CCDC14: variants seen among roughly 807,000 people sequenced by gnomAD.
CCDC14 encodes the protein coiled-coil domain-containing protein 14.
CCDC14 carries 71 observed loss-of-function variants against 81.4 expected under a neutral mutation model. The ratio of observed to expected loss-of-function variants is 0.87; its 90% CI spans 0.72 to 1.06. The LOEUF is 1.06. CCDC14 is among the 50% of genes least tolerant of loss of function. The probability of loss-of-function intolerance (pLI) is 0.00; values close to 1 mark genes in which losing one functional copy is unlikely to be tolerated. For synonymous variants in CCDC14, 332 were observed against 364.8 expected (o/e 0.91, Z 1.03); for missense variants, 1,046 against 1,047.3 (o/e 1.00, Z 0.02).
Position 123,931,473 on chromosome 3 carries a change from G to T in CCDC14, c.1480C>A (p.Leu494Ile), listed in dbSNP as rs1456212214. The T allele has an allele frequency of 6.3e-7, 1 of 1,576,736 alleles. No homozygotes were observed. Among genetic ancestry groups the T allele is most frequent in the African/African-American group, 1.3e-5 (1 of 74,076 alleles). ...MSLQNQLEES[L>I]KSQELLQSKN... ...CTCTGCAGTAATTCCTGGCTCTTTAGTGACTCCTCCAATTGATTTTGCAGT... is the reference window on the plus strand; with the variant it reads ...CTCTGCAGTAATTCCTGGCTCTTTATTGACTCCTCCAATTGATTTTGCAGT... Residue 494 changes from leucine to isoleucine, a missense_variant, in exon 11 of 13, where the codon CTA becomes ATA. Leu to Ile is a conservative substitution (Grantham distance 5). Transcript: ENST00000409697.
At chr3:123,910,187 C>A (rs1042413580), downstream of CCDC14, among the ~76,000 whole-genome samples, 4 of 152,228 alleles carry the variant, frequency 2.6e-5, no homozygotes, top group Non-Finnish European at 5.9e-5. Context: ...TGGTGCCACT[C>A]AACACCAAGA....
At chr3:123,906,317 G>A (rs907309729) in intron 5 of CCDC14, among the ~76,000 whole-genome samples, 3 of 151,030 alleles carry the variant, frequency 2.0e-5, no homozygotes, top group South Asian at 2.1e-4. Context: ...GCGACAGAGC[G>A]AGACTCCATC....
At chr3:123,938,856 A>G (rs1012513046) in intron 9 of CCDC14, among the ~76,000 whole-genome samples, 1 of 151,994 alleles carries the variant, frequency 6.6e-6, no homozygotes, top group African/African-American at 2.4e-5. Context: ...CTTTACTTCA[A>G]GAAATATTAT....
chr3:123,913,671 TA>T lies in CCDC14; in HGVS notation c.*1107del, dbSNP rs538122071. 0.15 allele frequency: 117,962 copies of T among 766,322 alleles called. 86 individuals carry two copies. The highest frequency in any genetic ancestry group is 0.16 in the Non-Finnish European group (105,987 of 643,020). The allele number at this position is 766,322 out of a possible 1,614,324, so 47.5% of individuals were successfully genotyped here. Reference sequence around the variant, plus strand: ...CTTCAAACGCTGTAGCACTAACACCTAAAAAAAAAAAAAAAACCACCAAAAA... The same window carrying T: ...CTTCAAACGCTGTAGCACTAACACCTAAAAAAAAAAAAAAACCACCAAAAA... On this transcript the variant is annotated 3_prime_UTR_variant, in exon 13 of 13. Coordinates refer to ENST00000409697, the MANE Select transcript of CCDC14 (RefSeq NM_001366335.1).
intron 5 of CCDC14, among the ~76,000 whole-genome samples, chr3:123,898,802 C>T (rs1429507617): frequency 6.6e-6 from 1 of 152,116 alleles, no homozygotes; most frequent in Non-Finnish European, 1.5e-5. Flanking sequence ...ATTCTCATGC[C>T]TCGGCCTCCT....
At chr3:123,920,288 G>A (rs1177866530) in intron 12 of CCDC14, among the ~76,000 whole-genome samples, 1 of 152,192 alleles carries the variant, frequency 6.6e-6, no homozygotes, top group Admixed American at 6.5e-5. Flanking sequence ...AGAAACAGGA[G>A]TGCCTGAAGG....
At chr3:123,920,215 A>T (rs768729074) in intron 12 of CCDC14, among the ~76,000 whole-genome samples, 22 of 152,266 alleles carry the variant, frequency 1.4e-4, no homozygotes, top group Non-Finnish European at 2.8e-4. Flanking sequence ...CAGTCAGAAG[A>T]GGAAATAAAT....
At chr3:123,939,299 A>T (rs73184283) in intron 9 of CCDC14, among the ~76,000 whole-genome samples, 59 of 151,820 alleles carry the variant, frequency 3.9e-4, no homozygotes, top group South Asian at 8.3e-4. Flanking sequence ...CTTCATACAT[A>T]ATTTTCTATT....
rs938441711 is a variant in CCDC14, at chr3:123,956,281, C to T, written c.159+74G>A. 2.3e-5 allele frequency: 30 copies of T among 1,280,898 alleles called. No homozygotes were observed. The Admixed American group carries it at 3.3e-4, about 14-fold the overall frequency. 79.3% of individuals were successfully genotyped at this position (1,280,898 alleles called of 1,614,324 possible). ...CTTCCTTAGAGCAATTAATACTTTG[C>T]ATTTTATTCCTACTTTTTAGCTACT... On this transcript the variant is annotated intron_variant, in intron 3 of 12. Coordinates refer to ENST00000409697, the MANE Select transcript of CCDC14 (RefSeq NM_001366335.1).
chr3:123,956,101 G>T lies in CCDC14; in HGVS notation c.174C>A (p.His58Gln), dbSNP rs759838393. The T allele has an allele frequency of 1.3e-6, 2 of 1,546,628 alleles. No individual in the cohort carries two copies. Among genetic ancestry groups the T allele is most frequent in the African/African-American group, 2.7e-5 (2 of 72,780 alleles). The change falls in exon 4 of 13, where the codon CAC becomes CAA. Residue 58 changes from histidine (H) to glutamine (Q), a missense_variant. By Grantham distance (24) the His-to-Gln change is conservative. Coordinates refer to ENST00000409697, the MANE Select transcript of CCDC14 (RefSeq NM_001366335.1). ...SDSESQAETV[H>Q]GLDGCASLLR... ...GCAAAGAAGCACAACCATCAAGCCCGTGTACAGTTTCAGCCTGTAAGAAAT... is the reference window on the plus strand; with the variant it reads ...GCAAAGAAGCACAACCATCAAGCCCTTGTACAGTTTCAGCCTGTAAGAAAT...
Position 123,915,652 on chromosome 3 carries a change from A to G in CCDC14, c.1845T>C (p.Pro615=). The G allele has an allele frequency of 6.2e-7, 1 of 1,614,068 alleles. No individual in the cohort carries two copies. The highest frequency in any genetic ancestry group is 8.5e-7 in the Non-Finnish European group (1 of 1,179,902). Residue 615 remains proline, a synonymous_variant, in exon 13 of 13, where the codon CCT becomes CCC. Coordinates refer to ENST00000409697, the MANE Select transcript of CCDC14 (RefSeq NM_001366335.1). ...DLSVDSARCK[P]GNNLTKSLLN... The stretch of plus-strand genomic sequence containing the variant: ...AGAGTGATTTGGTAAGGTTATTCCC[A>G]GGCTTGCAGCGAGCACTGTCCACAC...
chr3:123,912,574 T>C (rs962774286), downstream of CCDC14, among the ~76,000 whole-genome samples: 1 of 152,160 alleles, frequency 6.6e-6, no homozygotes, highest in Admixed American at 6.5e-5. Flanking sequence ...CCTCTCCTTT[T>C]TCACTTTTAT....
At chr3:123,951,305 A>G (rs1017745856) in intron 5 of CCDC14, among the ~76,000 whole-genome samples, 4 of 152,208 alleles carry the variant, frequency 2.6e-5, no homozygotes, top group African/African-American at 7.2e-5. Context: ...AAGTAAATAT[A>G]TCATATTCAT....
intron 7 of CCDC14, among the ~76,000 whole-genome samples, chr3:123,948,254 T>G (rs77237241): frequency 6.9e-6 from 1 of 144,730 alleles, no homozygotes; most frequent in Non-Finnish European, 1.5e-5. Context: ...TTTTTTTTTT[T>G]GAGATAGAGT....
At chr3:123,934,270 C>CAA (rs61094944) in intron 9 of CCDC14, among the ~76,000 whole-genome samples, 978 of 52,106 alleles carry the variant, frequency 0.019, 139 homozygotes, top group African/African-American at 0.059. Flanking sequence ...GACTCTGCCT[C>CAA]AAAAAAAAAA....
the CCDC14 span, among the ~76,000 whole-genome samples, chr3:123,887,120 A>G: frequency 6.6e-6 from 1 of 152,160 alleles, no homozygotes; most frequent in African/African-American, 2.4e-5. Context: ...TATGCTATCC[A>G]TCTTTTATAG....
chr3:123,950,646 A>T (rs2036953694), intron 5 of CCDC14, among the ~76,000 whole-genome samples: 1 of 152,136 alleles, frequency 6.6e-6, no homozygotes, highest in African/African-American at 2.4e-5. Flanking sequence ...GGTGATGGTG[A>T]GGGTACTGAC....
downstream of CCDC14, among the ~76,000 whole-genome samples, chr3:123,895,659 G>C (rs985511676): frequency 2.0e-5 from 3 of 152,238 alleles, no homozygotes; most frequent in African/African-American, 7.2e-5. Flanking sequence ...TGTGGGACCA[G>C]AGTTGAGAAC....
chr3:123,948,531 G>A (rs561434270), intron 7 of CCDC14, among the ~76,000 whole-genome samples, 160 bp downstream of exon 7: 1 of 152,114 alleles, frequency 6.6e-6, no homozygotes, highest in East Asian at 1.9e-4. Context: ...TTTAGCCACG[G>A]CGCTCGGCCA....
Sources: allele counts gnomAD v4.1 joint callset (sites outside exome capture counted in the v4.1 genomes callset), GRCh38; gene constraint gnomAD v4.1.1; transcripts MANE v1.5; gene names NCBI Gene and HGNC (gene_info 2026-07-23, HGNC 2026-07-21).